Variants in CELSR1 observed in about 807,000 individuals in gnomAD.
CELSR1 encodes adhesion G protein-coupled receptor C1.
Under a neutral mutation model 249.1 loss-of-function variants are expected in CELSR1, and 110 were observed. The ratio of observed to expected loss-of-function variants is 0.44; its 90% CI spans 0.38 to 0.52. The LOEUF is 0.52. Among genes scored for constraint, CELSR1 ranks in the 20% least tolerant of loss-of-function variants. The probability of loss-of-function intolerance (pLI) is 0.00; values close to 1 mark genes in which losing one functional copy is unlikely to be tolerated. For missense variants in CELSR1, 4,109 were observed against 4,296.4 expected (o/e 0.96, Z 1.22); for synonymous variants, 2,113 against 1,900.0 (o/e 1.11, Z -2.92).
At position 46,527,081 on chromosome 22, in the gene CELSR1, T is replaced by C. The variant is rs2080745461; in HGVS notation, c.3544+6546A>G. On this transcript the variant is annotated intron_variant, in intron 1 of 34. Transcript: ENST00000674500. This position sits in a 1 kb window ranked among gnomAD's most constrained non-coding sequence, Gnocchi z 5.5. ...CTGCTGCCATCACAAGCTGGTGCCC[T>C]GGGAGCCCTGTCCTTGGTTTGCTCA... Among the ~76,000 whole-genome samples the C allele has an allele frequency of 6.6e-6, 1 of 152,160 alleles. No homozygotes were observed. The highest frequency in any genetic ancestry group is 1.5e-5 in the Non-Finnish European group (1 of 68,030).
intron 1 of CELSR1, among the ~76,000 whole-genome samples, chr22:46,493,935 C>T (rs945598816): frequency 1.4e-4 from 21 of 152,200 alleles, no homozygotes; most frequent in African/African-American, 4.8e-4. Flanking sequence ...TGTGAGAACA[C>T]ACTAATACCT....
intron 1 of CELSR1, among the ~76,000 whole-genome samples, chr22:46,503,260 C>T (rs2080483418): frequency 1.3e-5 from 2 of 152,260 alleles, no homozygotes; most frequent in African/African-American, 4.8e-5. Context: ...AGGAGGGCAG[C>T]AGACCCTTTG....
rs1391351124 is a variant in CELSR1, at chr22:46,437,635, C to T, written c.4407-1346G>A. 6.6e-6 allele frequency among the ~76,000 whole-genome samples: 1 copy of T among 151,890 alleles called. No homozygotes were observed. Among genetic ancestry groups the T allele is most frequent in the Non-Finnish European group, 1.5e-5 (1 of 68,006 alleles). ...GCATGGTGGTGGGCACCTGTAATCC[C>T]AGCTACTCAAGAGGTTGAGGCAGGA... On this transcript the variant is annotated intron_variant, in intron 3 of 34. Transcript: ENST00000674500. This position sits in a 1 kb window ranked among gnomAD's most constrained non-coding sequence, Gnocchi z 4.9.
At chr22:46,489,383 A>G (rs574024878) in intron 1 of CELSR1, among the ~76,000 whole-genome samples, 22 of 151,166 alleles carry the variant, frequency 1.5e-4, no homozygotes, top group Non-Finnish European at 2.9e-4. Context: ...AGAAATTGCA[A>G]TCCGTCACCA....
At position 46,412,312 on chromosome 22, in the gene CELSR1, T is replaced by C. The variant is rs1357815237; in HGVS notation, c.4612-553A>G. Among the ~76,000 whole-genome samples the C allele has an allele frequency of 2.6e-5, 4 of 152,118 alleles. No individual in the cohort carries two copies. The highest frequency in any genetic ancestry group is 9.7e-5 in the African/African-American group (4 of 41,434). ...TTGAGCCACCCTGTCCGTGGTACTT[T>C]GTGATGGTGGCCCCAGGAAATGAAG... On this transcript the variant is annotated intron_variant, in intron 5 of 34. Coordinates refer to ENST00000674500, the MANE Select transcript of CELSR1 (RefSeq NM_001378328.1). This position sits in a 1 kb window ranked among gnomAD's most constrained non-coding sequence, Gnocchi z 4.5.
At chr22:46,476,595 CAAAAA>C (rs35183117) in intron 1 of CELSR1, among the ~76,000 whole-genome samples, 1 of 107,816 alleles carries the variant, frequency 9.3e-6, no homozygotes, top group Non-Finnish European at 1.9e-5. Flanking sequence ...GACTCCGTCT[CAAAAA>C]AAAAAAAAAA....
Position 46,535,485 on chromosome 22 carries a change from C to A in CELSR1, c.1686G>T (p.Glu562Asp), listed in dbSNP as rs765104429. 4 of 1,612,004 alleles carry A rather than the reference C, an allele frequency of 2.5e-6. No individual in the cohort carries two copies. The highest frequency in any genetic ancestry group is 3.4e-6 in the Non-Finnish European group (4 of 1,179,438). ...GGAAGGGGCTGCTCACAAAGATAGG[C>A]TCGTTGTCGTTGACATCCAGCACCT... ...SVQVLDVNDN[E>D]PIFVSSPFQA... is the part of the protein sequence containing the mutation. Residue 562 changes from glutamate to aspartate, a missense_variant, in exon 1 of 35, where the codon GAG (glutamate) becomes GAT (aspartate). This residue lies in a region of CELSR1 where 135 missense variants were observed against 190.0 expected (regional missense o/e 0.71). Coordinates refer to ENST00000674500, the MANE Select transcript of CELSR1 (RefSeq NM_001378328.1).
In CELSR1 at chr22:46,399,925, G is replaced by A. The variant is rs767017171; in HGVS notation, c.5227-23C>T. On this transcript the variant is annotated intron_variant, in intron 9 of 34. Transcript: ENST00000674500. The surrounding 1 kb of genome is among the most constrained non-coding windows in gnomAD (Gnocchi z 5.0). Reference sequence around the variant, plus strand: ...GATCTGGAGCAGGGAGAGCCACACCGACTGATTGGTACAATGACAATGAAA... The same window carrying A: ...GATCTGGAGCAGGGAGAGCCACACCAACTGATTGGTACAATGACAATGAAA... 4.3e-6 allele frequency: 7 copies of A among 1,611,642 alleles called. No homozygotes were observed. The highest frequency in any genetic ancestry group is 2.2e-5 in the East Asian group (1 of 44,866).
intron 1 of CELSR1, among the ~76,000 whole-genome samples, chr22:46,520,384 G>A (rs912054990): frequency 6.6e-6 from 1 of 150,872 alleles, no homozygotes; most frequent in African/African-American, 2.4e-5. Context: ...ACACCTGAGT[G>A]TCTGCAACAG....
At chr22:46,367,200 AC>A in intron 28 of CELSR1, 82 bp from the exon 29 acceptor site, 1 of 1,518,506 alleles carries the variant, frequency 6.6e-7, no homozygotes, top group Non-Finnish European at 8.8e-7. Context: ...AGATGCGCAT[AC>A]AGCCTTGAGT....
Position 46,377,206 on chromosome 22 carries a change from A to G in CELSR1, c.7439T>C (p.Leu2480Pro). Residue 2480 changes from leucine to proline, a missense_variant, in exon 24 of 35, where the codon CTG (leucine) becomes CCG (proline). Coordinates refer to ENST00000674500, the MANE Select transcript of CELSR1 (RefSeq NM_001378328.1). Reference sequence around the variant, plus strand: ...GACGAAGGCCACCAGCAGGGCTGCCAGTGACAAGGACACAGCGGCATAGGT... The same window carrying G: ...GACGAAGGCCACCAGCAGGGCTGCCGGTGACAAGGACACAGCGGCATAGGT... ...IVTYAAVSLSLAALLVAFVLL... is the reference protein window; with the variant it reads ...IVTYAAVSLSPAALLVAFVLL... 1 of 1,614,060 alleles carries G rather than the reference A, an allele frequency of 6.2e-7. No homozygotes were observed. Among genetic ancestry groups the G allele is most frequent in the Non-Finnish European group, 8.5e-7 (1 of 1,180,030 alleles).
chr22:46,428,421 C>T lies in CELSR1; in HGVS notation c.4611+4972G>A, dbSNP rs955945047. On this transcript the variant is annotated intron_variant, in intron 5 of 34. Transcript: ENST00000674500. The surrounding 1 kb of genome is among the most constrained non-coding windows in gnomAD (Gnocchi z 5.7). ...CCCCTTGGAGACCACCTGCTGCCCA[C>T]GTAGAGGCTGCTGCCTCAAGCTCCG... Among the ~76,000 whole-genome samples, 13 of 152,188 alleles carry T rather than the reference C, an allele frequency of 8.5e-5. No individual in the cohort carries two copies. Among genetic ancestry groups the T allele is most frequent in the Admixed American group, 2.0e-4 (3 of 15,282 alleles).
Position 46,403,577 on chromosome 22 carries a change from C to T in CELSR1, c.5227-3675G>A, listed in dbSNP as rs538375964. ...GTCACACACACAAAAAAAACAATAA[C>T]GATATAGAATATTTGAATACCACGA... On this transcript the variant is annotated intron_variant, in intron 9 of 34. Transcript: ENST00000674500. Among the ~76,000 whole-genome samples, 7 of 151,134 alleles carry T rather than the reference C, an allele frequency of 4.6e-5. No homozygotes were observed. The East Asian group carries it at 5.9e-4, about 13-fold the overall frequency.
rs9615981 is a variant in CELSR1, at chr22:46,395,533, G to T, written c.5843+1072C>A. On this transcript the variant is annotated intron_variant, in intron 13 of 34. Transcript: ENST00000674500. The surrounding 1 kb of genome is among the most constrained non-coding windows in gnomAD (Gnocchi z 5.5). ...CTCTCCACTCCCAGGGCACCTCCGC[G>T]GCGCTCTCCCTGGCATCACATCTTG... Among the ~76,000 whole-genome samples the T allele has an allele frequency of 0.19, 28,739 of 152,024 alleles. 3,319 individuals are homozygous for T. The highest frequency in any genetic ancestry group is 0.33 in the African/African-American group (13,676 of 41,420).
At chr22:46,414,067 A>G (rs2147346757) in intron 5 of CELSR1, among the ~76,000 whole-genome samples, 1 of 152,324 alleles carries the variant, frequency 6.6e-6, no homozygotes, top group Non-Finnish European at 1.5e-5. Flanking sequence ...CAGCAGGATA[A>G]AGAAAGCTGG....
chr22:46,482,661 G>A (rs903821692), intron 1 of CELSR1, among the ~76,000 whole-genome samples: 1 of 152,094 alleles, frequency 6.6e-6, no homozygotes, highest in East Asian at 1.9e-4. Flanking sequence ...GTTGCAGTGA[G>A]CTGAGCTTGT....
chr22:46,471,806 C>A lies in CELSR1; in HGVS notation c.3545-7461G>T, dbSNP rs6008856. Among the ~76,000 whole-genome samples the A allele has an allele frequency of 3.3e-5, 5 of 152,136 alleles. No individual in the cohort carries two copies. The highest frequency in any genetic ancestry group is 1.2e-4 in the African/African-American group (5 of 41,390). On this transcript the variant is annotated intron_variant, in intron 1 of 34. Transcript: ENST00000674500. The surrounding 1 kb of genome is among the most constrained non-coding windows in gnomAD (Gnocchi z 4.9). ...CCACTGTCCTCTCCTGTCCCAGGAC[C>A]CCACACCACACTCAGCTCCCCTGCA...
At chr22:46,376,958 TGAG>T (rs977483334) in intron 24 of CELSR1, 100 bp downstream of exon 24, 4 of 1,156,412 alleles carry the variant, frequency 3.5e-6, no homozygotes, top group African/African-American at 1.5e-5. Flanking sequence ...GTGGGGGTGG[TGAG>T]GAGGAGCTAG....
Position 46,536,356 on chromosome 22 carries a change from G to A in CELSR1, c.815C>T (p.Thr272Ile). Residue 272 changes from threonine (T) to isoleucine (I), a missense_variant, in exon 1 of 35, where the codon ACC becomes ATC. Physicochemically the swap from Thr to Ile is moderately conservative, Grantham distance 89. Coordinates refer to ENST00000674500, the MANE Select transcript of CELSR1 (RefSeq NM_001378328.1). ...TLILQLHAHY[T>I]IEGEEERVSY... Reference sequence around the variant, plus strand: ...CACGCGCTCCTCCTCGCCCTCGATGGTGTAGTGCGCGTGCAGCTGGAGGAT... The same window carrying A: ...CACGCGCTCCTCCTCGCCCTCGATGATGTAGTGCGCGTGCAGCTGGAGGAT... 6.2e-7 allele frequency: 1 copy of A among 1,612,528 alleles called. No homozygotes were observed. Among genetic ancestry groups the A allele is most frequent in the Non-Finnish European group, 8.5e-7 (1 of 1,179,666 alleles).
Sources: gnomAD v4.1 joint callset for allele counts (sites outside exome capture counted in the v4.1 genomes callset) on GRCh38, gnomAD v4.1.1 for gene constraint, gnomAD v4.1.1 regional missense constraint, Gnocchi (gnomAD v3.1) non-coding constraint, MANE v1.5 for transcripts, NCBI Gene and HGNC (gene_info 2026-07-23, HGNC 2026-07-21) for gene names.